Variants in EML6 observed in about 807,000 individuals in gnomAD.
The protein encoded by EML6 is echinoderm microtubule-associated protein-like 6.
EML6 carries 154 observed loss-of-function variants against 240.1 expected under a neutral mutation model. The observed-to-expected ratio is 0.64, with a 90% CI of 0.56 to 0.73. EML6 has a LOEUF of 0.73. Among genes scored for constraint, EML6 ranks in the 30% least tolerant of loss-of-function variants. The pLI, the probability that EML6 is intolerant of heterozygous loss-of-function variation, is 0.00. For missense variants in EML6, 2,964 were observed against 2,474.6 expected (o/e 1.20, Z -4.20); for synonymous variants, 1,148 against 899.0 (o/e 1.28, Z -4.95).
chr2:54,952,786 A>G (rs1487389536), intron 31 of EML6, 94 bp downstream of exon 31: 2 of 783,636 alleles, frequency 2.6e-6, no homozygotes, highest in Non-Finnish European at 4.3e-6. Context: ...GGTTGCTTAC[A>G]TCCATCCCTT....
chr2:54,899,093 A>C (rs1672922848), intron 21 of EML6, among the ~76,000 whole-genome samples: 1 of 152,208 alleles, frequency 6.6e-6, no homozygotes, highest in South Asian at 2.1e-4. Context: ...GCTTGAAATG[A>C]AAATTTAGCT....
At chr2:54,833,848 C>T (rs145287901) in intron 7 of EML6, among the ~76,000 whole-genome samples, 23 of 152,252 alleles carry the variant, frequency 1.5e-4, no homozygotes, top group Non-Finnish European at 3.2e-4. Context: ...TTCTCAAAGC[C>T]AAAAGGTTCA....
At chr2:54,855,297 A>C (rs1670312317) in intron 11 of EML6, among the ~76,000 whole-genome samples, 1 of 152,136 alleles carries the variant, frequency 6.6e-6, no homozygotes, top group Non-Finnish European at 1.5e-5. Context: ...AAGGTACGTC[A>C]CAAAGCCAGA....
At chr2:54,907,716 T>G (rs1673395251) in intron 24 of EML6, among the ~76,000 whole-genome samples, 1 of 152,118 alleles carries the variant, frequency 6.6e-6, no homozygotes, top group Non-Finnish European at 1.5e-5. Context: ...TGTAAGGACA[T>G]GGGTGTCTTT....
At chr2:54,965,766 C>T (rs1351162943) in intron 38 of EML6, among the ~76,000 whole-genome samples, 4 of 152,174 alleles carry the variant, frequency 2.6e-5, no homozygotes, top group Non-Finnish European at 4.4e-5. Context: ...ATATCTCAAG[C>T]GCTGAATTTA....
At chr2:54,728,979 A>G (rs1683036785) in intron 2 of EML6, among the ~76,000 whole-genome samples, 1 of 152,098 alleles carries the variant, frequency 6.6e-6, no homozygotes, top group South Asian at 2.1e-4. Flanking sequence ...GCACCCCTCC[A>G]ATGGCATAGC....
intron 2 of EML6, among the ~76,000 whole-genome samples, chr2:54,812,437 G>A (rs141292885): frequency 0.012 from 1,833 of 152,054 alleles, 26 homozygotes; most frequent in African/African-American, 0.037. Flanking sequence ...GAGCTAGTTT[G>A]CTATATAGGT....
intron 7 of EML6, among the ~76,000 whole-genome samples, chr2:54,836,055 C>T (rs1277856014): frequency 6.6e-6 from 1 of 152,194 alleles, no homozygotes; most frequent in Non-Finnish European, 1.5e-5. Context: ...CACCATTTTT[C>T]TCTGGGCTTG....
intron 26 of EML6, among the ~76,000 whole-genome samples, chr2:54,926,066 C>T (rs1194405245): frequency 1.3e-5 from 2 of 152,160 alleles, no homozygotes; most frequent in East Asian, 3.9e-4. Context: ...AATTTCTTCC[C>T]TACAAGGGAT....
In EML6 at chr2:54,847,567, C is replaced by G; in HGVS notation, c.1131C>G (p.Asp377Glu). The change falls in exon 9 of 42, where the codon GAC becomes GAG. Residue 377 changes from aspartate to glutamate, a missense_variant. Transcript: ENST00000356458. ...TTCGCAGTGTAGCTTTCAGCCCCGACGGATCTCAGCTGGCCCTGGGCATGA... is the reference window on the plus strand; with the variant it reads ...TTCGCAGTGTAGCTTTCAGCCCCGAGGGATCTCAGCTGGCCCTGGGCATGA... ...EAVRSVAFSP[D>E]GSQLALGMKD... The G allele has an allele frequency of 6.4e-7, 1 of 1,552,312 alleles. No homozygotes were observed. Among genetic ancestry groups the G allele is most frequent in the Non-Finnish European group, 8.7e-7 (1 of 1,147,138 alleles).
chr2:54,928,764 C>T lies in EML6; in HGVS notation c.4004+13C>T, dbSNP rs947336648. The T allele has an allele frequency of 1.4e-5, 21 of 1,551,510 alleles. No individual in the cohort carries two copies. The highest frequency in any genetic ancestry group is 8.7e-7 in the Non-Finnish European group (1 of 1,146,980). On this transcript the variant is annotated intron_variant, in intron 28 of 41. Transcript: ENST00000356458. Reference sequence around the variant, plus strand: ...CCGTGGAAGAAAGGTATGGTGTTGCCAGGTTTGCTTGCTTTTATTATACCT... The same window carrying T: ...CCGTGGAAGAAAGGTATGGTGTTGCTAGGTTTGCTTGCTTTTATTATACCT...
At chr2:54,864,346 G>A (rs372225713) in intron 13 of EML6, among the ~76,000 whole-genome samples, 1 of 152,108 alleles carries the variant, frequency 6.6e-6, no homozygotes, top group African/African-American at 2.4e-5. Context: ...TTTAATCAAA[G>A]TAATTATCTA....
chr2:54,812,636 C>G (rs112856446), intron 2 of EML6, among the ~76,000 whole-genome samples: 15 of 152,034 alleles, frequency 9.9e-5, no homozygotes, highest in African/African-American at 3.6e-4. Context: ...AGAAAAATTG[C>G]TATACAAACC....
At chr2:54,911,625 T>TG (rs891830419) in intron 25 of EML6, among the ~76,000 whole-genome samples, 65 of 152,120 alleles carry the variant, frequency 4.3e-4, no homozygotes, top group Middle Eastern at 3.4e-3. Context: ...TTAGTAGAGA[T>TG]GGGGTTTCCC....
In EML6 at chr2:54,970,077, T is replaced by A; in HGVS notation, c.5859T>A (p.Phe1953Leu). The A allele has an allele frequency of 6.4e-7, 1 of 1,551,692 alleles. No homozygotes were observed. The highest frequency in any genetic ancestry group is 8.7e-7 in the Non-Finnish European group (1 of 1,146,962). Reference protein sequence around the residue: ...VSTGGDDCSVFVWRCL With the variant: ...VSTGGDDCSVLVWRCL ...GTTTGATCTGCCTTTTCAGTGTATTTGTGTGGCGATGTCTGTAAAATGCCA... is the reference window on the plus strand; with the variant it reads ...GTTTGATCTGCCTTTTCAGTGTATTAGTGTGGCGATGTCTGTAAAATGCCA... The change falls in exon 42 of 42, where the codon TTT becomes TTA. Residue 1953 changes from phenylalanine (F) to leucine (L), a missense_variant. By Grantham distance (22) the Phe-to-Leu change is conservative. Transcript: ENST00000356458.
intron 2 of EML6, among the ~76,000 whole-genome samples, chr2:54,786,269 T>A (rs1469148690): frequency 6.6e-6 from 1 of 152,156 alleles, no homozygotes; most frequent in East Asian, 1.9e-4. Context: ...AGGTCTCTAG[T>A]CCCAGCCCTT....
chr2:54,849,768 G>A (rs77739453), intron 9 of EML6, among the ~76,000 whole-genome samples, 194 bp from the exon 10 acceptor site: 8,744 of 152,292 alleles, frequency 0.057, 338 homozygotes, highest in East Asian at 0.22. Flanking sequence ...GATTACAGGC[G>A]TAAGCCACCG....
chr2:54,924,804 C>A (rs942936551), intron 26 of EML6, among the ~76,000 whole-genome samples: 3 of 152,058 alleles, frequency 2.0e-5, no homozygotes, highest in Admixed American at 2.0e-4. Flanking sequence ...CTCAGGTGAT[C>A]CACCTGCCTT....
At position 54,870,506 on chromosome 2, in the gene EML6, G is replaced by A. The variant is rs533376291; in HGVS notation, c.2239-994G>A. On this transcript the variant is annotated intron_variant, in intron 15 of 41. Transcript: ENST00000356458. Reference sequence around the variant, plus strand: ...AAGGGCTGACCGTTGGTTTATACATGAATTTGCTGTCCCTCCAACTGAAAA... The same window carrying A: ...AAGGGCTGACCGTTGGTTTATACATAAATTTGCTGTCCCTCCAACTGAAAA... 1.5e-3 allele frequency among the ~76,000 whole-genome samples: 231 copies of A among 152,278 alleles called. 1 individual carries two copies. In the Middle Eastern group the frequency reaches 0.02, roughly 13 times the overall value.
Sources: gnomAD v4.1 joint callset for allele counts (sites outside exome capture counted in the v4.1 genomes callset) on GRCh38, gnomAD v4.1.1 for gene constraint, MANE v1.5 for transcripts, NCBI Gene and HGNC (gene_info 2026-07-23, HGNC 2026-07-21) for gene names.